Variants in ROR1 observed in about 807,000 individuals in gnomAD.
ROR1 encodes ROR family WNT receptor 1, also known as inactive tyrosine-protein kinase transmembrane receptor ROR1.
Under a neutral mutation model 78.8 loss-of-function variants are expected in ROR1, and 19 were observed. That is an observed-to-expected ratio of 0.24 (90% CI 0.17 to 0.35). The LOEUF (loss-of-function observed/expected upper bound fraction) is 0.35, where lower values mean the gene tolerates loss of function less well. Among genes scored for constraint, ROR1 ranks in the 10% least tolerant of loss-of-function variants. The probability of loss-of-function intolerance (pLI) is 1.00; values close to 1 mark genes in which losing one functional copy is unlikely to be tolerated. For synonymous variants in ROR1, 386 were observed against 433.6 expected, an observed-to-expected ratio of 0.89 and a Z score of 1.36; for missense variants, 917 against 1,177.8, an observed-to-expected ratio of 0.78 and a Z score of 3.24.
chr1:63,804,521 C>T (rs889332692), intron 1 of ROR1, among the ~76,000 whole-genome samples: 2 of 152,172 alleles, frequency 1.3e-5, no homozygotes, highest in African/African-American at 2.4e-5. Flanking sequence ...AAGCCTCCTT[C>T]CTAGAACTCT....
intron 1 of ROR1, among the ~76,000 whole-genome samples, chr1:63,790,603 T>C (rs12066486): frequency 0.022 from 3,362 of 152,288 alleles, 123 homozygotes; most frequent in African/African-American, 0.077. Context: ...CTCTTTCTCC[T>C]TTTTCGTGTG....
At chr1:63,954,968 G>A (rs1324426251) in intron 1 of ROR1, among the ~76,000 whole-genome samples, 2 of 152,162 alleles carry the variant, frequency 1.3e-5, no homozygotes, top group African/African-American at 4.8e-5. Flanking sequence ...TAGGCAAAAT[G>A]GGATGGTGTG....
At chr1:64,077,604 G>C (rs1398263626) in intron 4 of ROR1, among the ~76,000 whole-genome samples, 2 of 152,218 alleles carry the variant, frequency 1.3e-5, no homozygotes, top group Admixed American at 6.5e-5. Flanking sequence ...TGGCTGCTCG[G>C]GGCAACCCTG....
At chr1:64,040,134 A>G (rs1388088270) in intron 2 of ROR1, among the ~76,000 whole-genome samples, 1 of 152,232 alleles carries the variant, frequency 6.6e-6, no homozygotes, top group African/African-American at 2.4e-5. Flanking sequence ...CTATAGATTT[A>G]CTTATCATCC....
At chr1:63,890,887 T>C (rs855838) in intron 1 of ROR1, among the ~76,000 whole-genome samples, 126,699 of 152,158 alleles carry the variant, frequency 0.83, 54,419 homozygotes, top group East Asian at 1. Flanking sequence ...ACGCTGAACA[T>C]GCCCGTTCTC....
At chr1:63,999,293 G>T (rs1379440112) in intron 1 of ROR1, among the ~76,000 whole-genome samples, 1 of 152,188 alleles carries the variant, frequency 6.6e-6, no homozygotes, top group Non-Finnish European at 1.5e-5. Context: ...ATGAAGATCG[G>T]AGTCTTTCTT....
intron 4 of ROR1, among the ~76,000 whole-genome samples, chr1:64,125,861 C>G (rs892754623): frequency 6.6e-6 from 1 of 152,086 alleles, no homozygotes; most frequent in African/African-American, 2.4e-5. Context: ...TTATTTGGTG[C>G]CTTCTACAAA....
chr1:64,003,929 A>T (rs1646407663), intron 1 of ROR1, among the ~76,000 whole-genome samples: 1 of 152,130 alleles, frequency 6.6e-6, no homozygotes, highest in African/African-American at 2.4e-5. Flanking sequence ...CCACCCTCCA[A>T]ATGATCACAA....
chr1:64,158,930 C>A, intron 7 of ROR1, 51 bp from the exon 8 acceptor site: 1 of 1,321,638 alleles, frequency 7.6e-7, no homozygotes, highest in Non-Finnish European at 1.1e-6. Flanking sequence ...TAATATTATG[C>A]ATGTTACTTT....
rs1427728057 is a variant in ROR1 at position 64,058,894 on chromosome 1, G to A, written c.482+8178G>A. ...CTTTTTCTTCCATTTTTTAAGAAGA[G>A]TTTGTAAAGGATTTTTATTTAAATG... On this transcript the variant is annotated intron_variant, in intron 4 of 8. Coordinates refer to ENST00000371079, the MANE Select transcript of ROR1 (RefSeq NM_005012.4). 3.3e-5 allele frequency among the ~76,000 whole-genome samples: 5 copies of A among 152,088 alleles called. No homozygotes were observed. The South Asian group carries it at 8.3e-4, about 25-fold the overall frequency.
intron 4 of ROR1, among the ~76,000 whole-genome samples, chr1:64,099,717 C>T (rs1313446651): frequency 2.6e-5 from 4 of 152,136 alleles, no homozygotes; most frequent in Non-Finnish European, 5.9e-5. Context: ...TCAAGTAACA[C>T]ATGCTCATTT....
intron 1 of ROR1, among the ~76,000 whole-genome samples, chr1:63,902,148 A>G (rs755303277): frequency 5.9e-5 from 9 of 152,216 alleles, no homozygotes; most frequent in Non-Finnish European, 1.0e-4. Context: ...AAAAGAGCTT[A>G]TCCTTAGCTT....
chr1:64,037,254 C>A (rs1553153314), intron 2 of ROR1, among the ~76,000 whole-genome samples: 4 of 152,158 alleles, frequency 2.6e-5, no homozygotes, highest in Non-Finnish European at 2.9e-5. Flanking sequence ...AAACAATTTG[C>A]AGATAGTTTT....
At chr1:63,985,810 G>A (rs1049418556) in intron 1 of ROR1, among the ~76,000 whole-genome samples, 1 of 151,822 alleles carries the variant, frequency 6.6e-6, no homozygotes, top group Non-Finnish European at 1.5e-5. Flanking sequence ...TAAATTTTGT[G>A]TTTAGATTTA....
intron 1 of ROR1, among the ~76,000 whole-genome samples, chr1:63,802,061 G>A (rs992894289): frequency 2.0e-5 from 3 of 152,156 alleles, no homozygotes; most frequent in Admixed American, 2.0e-4. Flanking sequence ...TTGGGGGAGG[G>A]GAGGAGGTTA....
At chr1:64,123,505 T>C (rs1357571593) in intron 4 of ROR1, among the ~76,000 whole-genome samples, 1 of 152,204 alleles carries the variant, frequency 6.6e-6, no homozygotes, top group Non-Finnish European at 1.5e-5. Context: ...TTGGGAAAGT[T>C]GGTTAATCTC....
chr1:64,178,271 G>A lies in ROR1; in HGVS notation c.2230G>A (p.Val744Ile), dbSNP rs150607362. The A allele has an allele frequency of 3.9e-5, 63 of 1,613,918 alleles. No homozygotes were observed. Among genetic ancestry groups the A allele is most frequent in the South Asian group, 2.9e-4 (26 of 91,068 alleles). ...GAGACCAAGATTTAAAGATATTCAC[G>A]TCCGGCTTCGGTCCTGGGAGGGACT... ...SRRPRFKDIH[V>I]RLRSWEGLSS... is the part of the protein sequence containing the mutation. The change falls in exon 9 of 9, where the codon GTC becomes ATC. Residue 744 changes from valine to isoleucine, a missense_variant. Val to Ile is a conservative substitution (Grantham distance 29). This residue lies in a region of ROR1 where 835 missense variants were observed against 1,069.8 expected (regional missense o/e 0.78). Coordinates refer to ENST00000371079, the MANE Select transcript of ROR1 (RefSeq NM_005012.4). This position sits in a 1 kb window ranked among gnomAD's most constrained non-coding sequence, Gnocchi z 4.3.
intron 1 of ROR1, among the ~76,000 whole-genome samples, chr1:63,963,128 A>G (rs185642424): frequency 5.9e-5 from 9 of 152,326 alleles, no homozygotes; most frequent in Non-Finnish European, 1.3e-4. Context: ...CTATATCAGT[A>G]TCTGATACCT....
intron 1 of ROR1, among the ~76,000 whole-genome samples, chr1:63,891,411 T>C (rs528997098): frequency 1.3e-5 from 2 of 152,226 alleles, no homozygotes; most frequent in East Asian, 3.9e-4. Flanking sequence ...TTAGAGCTGT[T>C]GAAGGTGTGT....
Sources: allele counts gnomAD v4.1 joint callset (sites outside exome capture counted in the v4.1 genomes callset), GRCh38; gene constraint gnomAD v4.1.1; regional missense constraint gnomAD v4.1.1; non-coding constraint Gnocchi (gnomAD v3.1); transcripts MANE v1.5; gene names NCBI Gene and HGNC (gene_info 2026-07-23, HGNC 2026-07-21).